Variants in SLIT2 observed in about 807,000 individuals in gnomAD.
SLIT2 encodes the protein slit guidance ligand 2, also known as slit homolog 2 protein.
SLIT2 carries 41 observed loss-of-function variants against 185.7 expected under a neutral mutation model. That is an observed-to-expected ratio of 0.22 (90% confidence interval 0.17 to 0.29). The LOEUF is 0.29. SLIT2 is among the 10% of genes least tolerant of loss of function. SLIT2 has a pLI of 1.00. For synonymous variants in SLIT2, 693 were observed against 680.2 expected (o/e 1.02, Z -0.29); for missense variants, 1,571 against 1,909.0 (o/e 0.82, Z 3.30).
intron 31 of SLIT2, among the ~76,000 whole-genome samples, chr4:20,596,139 A>G (rs1727961669): frequency 6.6e-6 from 1 of 152,194 alleles, no homozygotes; most frequent in African/African-American, 2.4e-5. Flanking sequence ...AGAAGCAAAG[A>G]GTAGAATGAG....
At chr4:20,519,821 A>G (rs1388558447) in intron 12 of SLIT2, among the ~76,000 whole-genome samples, 1 of 151,956 alleles carries the variant, frequency 6.6e-6, no homozygotes, top group Non-Finnish European at 1.5e-5. Context: ...TCACGAGGTC[A>G]GGAGATCCAG....
chr4:20,336,646 G>A (rs765259571), intron 4 of SLIT2, among the ~76,000 whole-genome samples: 4 of 152,092 alleles, frequency 2.6e-5, no homozygotes, highest in South Asian at 2.1e-4. Flanking sequence ...AAACCTGCAC[G>A]TTGTGCACAT....
rs773336972 is a variant in SLIT2, at chr4:20,488,946, G to A, written c.739G>A (p.Val247Ile). The A allele has an allele frequency of 1.2e-6, 2 of 1,611,384 alleles. No homozygotes were observed. Among genetic ancestry groups the A allele is most frequent in the Non-Finnish European group, 1.7e-6 (2 of 1,177,872 alleles). ...MGPSHLRGHN[V>I]AEVQKREFVC... is the part of the protein sequence containing the mutation. ...CCCCTCCCACCTGAGAGGCCATAAT[G>A]TAGCCGAGGTTCAAAAACGAGAATT... Residue 247 changes from valine to isoleucine, a missense_variant, in exon 8 of 37, where the codon GTA becomes ATA. Around this residue, in one of 3 missense-constraint regions of SLIT2, gnomAD observed 1,202 missense variants for 1,416.4 expected, o/e 0.85. Transcript: ENST00000504154.
In SLIT2 at chr4:20,516,862, T is replaced by C. The variant is rs1720263681; in HGVS notation, c.1059-2520T>C. On this transcript the variant is annotated intron_variant, in intron 11 of 36. Coordinates refer to ENST00000504154, the MANE Select transcript of SLIT2 (RefSeq NM_004787.4). ...AATTCCTATACACATAGATTTCCTG[T>C]ATCCTAGTGTAATTTCCTCCTTTTT... Among the ~76,000 whole-genome samples, 4 of 152,350 alleles carry C rather than the reference T, an allele frequency of 2.6e-5. No homozygotes were observed. The South Asian group carries it at 8.3e-4, about 32-fold the overall frequency.
At chr4:20,508,938 A>G (rs1214584712) in intron 9 of SLIT2, among the ~76,000 whole-genome samples, 1 of 152,086 alleles carries the variant, frequency 6.6e-6, no homozygotes, top group African/African-American at 2.4e-5. Flanking sequence ...TGAAATCAGA[A>G]AAGACCAAAA....
At chr4:20,325,553 A>C (rs1353209393) in intron 4 of SLIT2, among the ~76,000 whole-genome samples, 1 of 152,132 alleles carries the variant, frequency 6.6e-6, no homozygotes, top group African/African-American at 2.4e-5. Context: ...ATTCATTCTT[A>C]TATTCTTACA....
At chr4:20,286,282 C>T (rs1184225167) in intron 4 of SLIT2, among the ~76,000 whole-genome samples, 3 of 152,100 alleles carry the variant, frequency 2.0e-5, no homozygotes, top group Admixed American at 6.5e-5. Flanking sequence ...TATCCTCTCT[C>T]CCCCACCCTC....
intron 26 of SLIT2, among the ~76,000 whole-genome samples, chr4:20,559,477 G>A (rs1012654298): frequency 6.6e-6 from 1 of 151,910 alleles, no homozygotes; most frequent in African/African-American, 2.4e-5. Flanking sequence ...CTATTTTGAA[G>A]TTTCATTGTC....
intron 21 of SLIT2, 129 bp downstream of exon 21, chr4:20,542,755 T>C (rs1257266368): frequency 4.0e-6 from 4 of 1,006,322 alleles, no homozygotes; most frequent in Non-Finnish European, 5.9e-6. Flanking sequence ...TTAATTATTA[T>C]CCTGTAAAAT....
chr4:20,337,922 A>G (rs1475075621), intron 4 of SLIT2, among the ~76,000 whole-genome samples: 3 of 152,188 alleles, frequency 2.0e-5, no homozygotes, highest in African/African-American at 7.2e-5. Context: ...TAAATACGCC[A>G]GATTTTTCAG....
intron 29 of SLIT2, among the ~76,000 whole-genome samples, chr4:20,579,464 G>A (rs910115937): frequency 2.6e-5 from 4 of 152,010 alleles, no homozygotes; most frequent in Non-Finnish European, 5.9e-5. Flanking sequence ...ATTTCATTCA[G>A]CCCAGTTTCT....
At chr4:20,305,029 T>C (rs528735613) in intron 4 of SLIT2, among the ~76,000 whole-genome samples, 2 of 152,346 alleles carry the variant, frequency 1.3e-5, no homozygotes, top group South Asian at 2.1e-4. Context: ...CTGTGAATTC[T>C]TCGAAGAATG....
intron 11 of SLIT2, among the ~76,000 whole-genome samples, chr4:20,515,783 G>A (rs1720151150): frequency 6.6e-6 from 1 of 151,950 alleles, no homozygotes; most frequent in South Asian, 2.1e-4. Context: ...TGCTGTTTTG[G>A]ACATTTTTTT....
intron 33 of SLIT2, among the ~76,000 whole-genome samples, chr4:20,600,298 A>C (rs1728304627): frequency 6.6e-6 from 1 of 151,862 alleles, no homozygotes; most frequent in African/African-American, 2.4e-5. Context: ...CCAAGTGATT[A>C]TATCCAAACA....
At chr4:20,418,291 A>G (rs1023216673) in intron 4 of SLIT2, among the ~76,000 whole-genome samples, 3 of 152,180 alleles carry the variant, frequency 2.0e-5, no homozygotes, top group African/African-American at 7.2e-5. Context: ...TGGTGATGGG[A>G]CTAGAGACAA....
At chr4:20,510,268 T>A (rs1719586155) in intron 9 of SLIT2, among the ~76,000 whole-genome samples, 1 of 152,216 alleles carries the variant, frequency 6.6e-6, no homozygotes, top group South Asian at 2.1e-4. Context: ...TATGTAGTAC[T>A]TAAAAATCTG....
intron 33 of SLIT2, among the ~76,000 whole-genome samples, chr4:20,608,996 T>C (rs1245016006): frequency 6.6e-6 from 1 of 152,166 alleles, no homozygotes; most frequent in Non-Finnish European, 1.5e-5. Context: ...GTTTTTCCTG[T>C]ATAGGGAAAG....
At chr4:20,383,720 A>G (rs1724717044) in intron 4 of SLIT2, among the ~76,000 whole-genome samples, 1 of 151,934 alleles carries the variant, frequency 6.6e-6, no homozygotes, top group South Asian at 2.1e-4. Flanking sequence ...TTTTTTTTTA[A>G]GCTGGAGCCT....
At chr4:20,448,866 G>C (rs1712130943) in intron 4 of SLIT2, among the ~76,000 whole-genome samples, 1 of 151,754 alleles carries the variant, frequency 6.6e-6, no homozygotes, top group Non-Finnish European at 1.5e-5. Context: ...TCGATCTCTT[G>C]ACCTCGTGAT....
Sources: allele counts gnomAD v4.1 joint callset (sites outside exome capture counted in the v4.1 genomes callset), GRCh38; gene constraint gnomAD v4.1.1; regional missense constraint gnomAD v4.1.1; transcripts MANE v1.5; gene names NCBI Gene and HGNC (gene_info 2026-07-23, HGNC 2026-07-21).